The following EVPL variants were observed in gnomAD, a reference collection of about 807,000 sequenced individuals.
The protein encoded by EVPL is envoplakin, also known as 210 kDa cornified envelope precursor protein.
Under a neutral mutation model 129.7 loss-of-function variants are expected in EVPL, and 94 were observed. The ratio of observed to expected loss-of-function variants is 0.72; its 90% CI spans 0.61 to 0.86. The LOEUF (loss-of-function observed/expected upper bound fraction) is 0.86, where lower values mean the gene tolerates loss of function less well. Among genes scored for constraint, EVPL ranks in the 40% least tolerant of loss-of-function variants. The probability of loss-of-function intolerance (pLI) is 0.00; values close to 1 mark genes in which losing one functional copy is unlikely to be tolerated. For missense variants in EVPL, 2,625 were observed against 2,721.1 expected (o/e 0.96, Z 0.79); for synonymous variants, 1,172 against 1,191.1 (o/e 0.98, Z 0.33).
At chr17:76,011,426 T>C in intron 21 of EVPL, 150 bp downstream of exon 21, 1 of 720,894 alleles carries the variant, frequency 1.4e-6, no homozygotes, top group Non-Finnish European at 2.4e-6. Flanking sequence ...CGCTCCCCTC[T>C]CCAGCAGCCA....
chr17:76,026,275 C>T (rs2066497815), intron 1 of EVPL, among the ~76,000 whole-genome samples: 2 of 141,326 alleles, frequency 1.4e-5, no homozygotes, highest in Non-Finnish European at 1.5e-5. Context: ...GACAGAGTCT[C>T]AGTCTGTCAC....
chr17:76,014,851 T>C, intron 17 of EVPL, 65 bp downstream of exon 17: 1 of 1,468,646 alleles, frequency 6.8e-7, no homozygotes, highest in Admixed American at 2.1e-5. Flanking sequence ...TCACACAGCT[T>C]GTAGACAGCA....
chr17:76,007,743 C>G lies in EVPL; in HGVS notation c.5462G>C (p.Gly1821Ala). 1 of 1,613,056 alleles carries G rather than the reference C, an allele frequency of 6.2e-7. No individual in the cohort carries two copies. The highest frequency in any genetic ancestry group is 8.5e-7 in the Non-Finnish European group (1 of 1,179,226). ...CCCGGCGATAGGGAAGCTGTCATCA[C>G]CGAGCCCGAGAGAGAAGCTGGGAGA... ...FFSPSFSLGL[G>A]DDSFPIAGIY... The change falls in exon 22 of 22, where the codon GGT becomes GCT. Residue 1821 changes from glycine (G) to alanine (A), a missense_variant. Gly to Ala is a moderately conservative substitution (Grantham distance 60). Transcript: ENST00000301607. The surrounding 1 kb of genome is among the most constrained non-coding windows in gnomAD (Gnocchi z 8.8).
rs2066461903 is a variant in EVPL, at chr17:76,021,775, T to G, written c.814A>C (p.Lys272Gln). ...TCCTGGCTCAGCAGCTCGTGCTGCT[T>G]GAAGTGCTGGGGGCGAGTCGGGTGG... ...AGVRREYEHF[K>Q]QHELLSQEQS... is the part of the protein sequence containing the mutation. Residue 272 changes from lysine (K) to glutamine (Q), a missense_variant, in exon 8 of 22, where the codon AAG (lysine) becomes CAG (glutamine). This residue lies in a region of EVPL where 1,024 missense variants were observed against 997.5 expected (regional missense o/e 1.03). Coordinates refer to ENST00000301607, the MANE Select transcript of EVPL (RefSeq NM_001988.4). 10 of 1,605,704 alleles carry G rather than the reference T, an allele frequency of 6.2e-6. No homozygotes were observed. Among genetic ancestry groups the G allele is most frequent in the Non-Finnish European group, 8.5e-6 (10 of 1,178,170 alleles).
In EVPL at chr17:76,008,563, T is replaced by G; in HGVS notation, c.4642A>C (p.Thr1548Pro). 1 of 1,609,716 alleles carries G rather than the reference T, an allele frequency of 6.2e-7. No individual in the cohort carries two copies. Among genetic ancestry groups the G allele is most frequent in the East Asian group, 2.2e-5 (1 of 44,866 alleles). Residue 1548 changes from threonine to proline, a missense_variant, in exon 22 of 22, where the codon ACG (threonine) becomes CCG (proline). Around this residue, in one of 4 missense-constraint regions of EVPL, gnomAD observed 1,453 missense variants for 1,511.8 expected, o/e 0.96. Transcript: ENST00000301607. The surrounding 1 kb of genome is among the most constrained non-coding windows in gnomAD (Gnocchi z 7.4). ...TCCTCCTCCCGGGCCTGCCGGGCCG[T>G]GCGCTCCCTGTTGAGCATCTCCCAC... ...RVWEMLNRERTARQAREEEAR... is the reference protein window; with the variant it reads ...RVWEMLNRERPARQAREEEAR...
At chr17:76,023,878 T>G (rs1343519868) in intron 2 of EVPL, 143 bp downstream of exon 2, 1 of 1,250,666 alleles carries the variant, frequency 8.0e-7, no homozygotes, top group Non-Finnish European at 1.1e-6. Flanking sequence ...CACCGTGTGT[T>G]AGGGGATGGG....
At chr17:76,012,742 CTTTTTTT>C (rs56349197) in intron 18 of EVPL, among the ~76,000 whole-genome samples, 9 of 117,530 alleles carry the variant, frequency 7.7e-5, no homozygotes, top group Non-Finnish European at 1.4e-4. Context: ...TCTTTCTTTT[CTTTTTTT>C]TTTTTTTTTT....
intron 14 of EVPL, 139 bp downstream of exon 14, chr17:76,017,600 G>T: frequency 8.1e-7 from 1 of 1,228,146 alleles, no homozygotes; most frequent in Non-Finnish European, 1.1e-6. Flanking sequence ...GAACCAGCTT[G>T]TCTGAGCCCG....
chr17:76,024,509 G>A lies in EVPL; in HGVS notation c.99-389C>T, dbSNP rs2066485834. Among the ~76,000 whole-genome samples the A allele has an allele frequency of 6.6e-6, 1 of 152,144 alleles. No individual in the cohort carries two copies. Among genetic ancestry groups the A allele is most frequent in the Non-Finnish European group, 1.5e-5 (1 of 68,010 alleles). On this transcript the variant is annotated intron_variant, in intron 1 of 21. Transcript: ENST00000301607. The surrounding 1 kb of genome is among the most constrained non-coding windows in gnomAD (Gnocchi z 4.5). ...CTGAGCCAGCCTGGCTGGGCCCTGG[G>A]AGGGGTAGTTGGGCTGGCTGGGGCA...
chr17:76,027,295 G>A lies in EVPL; in HGVS notation c.-97C>T. ...AGCGGGCGTCCTCACTGGCTGGTCA[G>A]CTAAGTCTGGCGAGGTGGGGCGGCT... On this transcript the variant is annotated 5_prime_UTR_variant, in exon 1 of 22. Coordinates refer to ENST00000301607, the MANE Select transcript of EVPL (RefSeq NM_001988.4). The A allele has an allele frequency of 1.1e-6, 1 of 875,674 alleles. No homozygotes were observed. Among genetic ancestry groups the A allele is most frequent in the Non-Finnish European group, 1.9e-6 (1 of 528,602 alleles). 54.2% of individuals were successfully genotyped at this position (875,674 alleles called of 1,614,324 possible).
rs776697613 is a variant in EVPL, at chr17:76,009,467, G to T, written c.3738C>A (p.Pro1246=). 12 of 1,614,010 alleles carry T rather than the reference G, an allele frequency of 7.4e-6. No individual in the cohort carries two copies. The highest frequency in any genetic ancestry group is 1.0e-5 in the Non-Finnish European group (12 of 1,180,016). The change falls in exon 22 of 22, where the codon CCC becomes CCA. Residue 1246 remains proline (P), a synonymous_variant. Coordinates refer to ENST00000301607, the MANE Select transcript of EVPL (RefSeq NM_001988.4). The surrounding 1 kb of genome is among the most constrained non-coding windows in gnomAD (Gnocchi z 5.9). ...PDLEVLRAQK[P]TVEYKEVTQE... Reference sequence around the variant, plus strand: ...GGGTCACCTCCTTGTACTCCACCGTGGGCTTCTGGGCCCGCAGGACCTCCA... The same window carrying T: ...GGGTCACCTCCTTGTACTCCACCGTTGGCTTCTGGGCCCGCAGGACCTCCA...
At chr17:76,011,939 G>T in intron 19 of EVPL, 57 bp from the exon 20 acceptor site, 1 of 1,602,478 alleles carries the variant, frequency 6.2e-7, no homozygotes, top group East Asian at 2.2e-5. Flanking sequence ...CTGGGTGTGG[G>T]GGATAGGGCT....
chr17:76,010,836 G>A (rs956013725), intron 21 of EVPL, among the ~76,000 whole-genome samples: 5 of 152,286 alleles, frequency 3.3e-5, no homozygotes, highest in East Asian at 3.9e-4. Context: ...CAAGGTGGGC[G>A]GATCACCTGA....
chr17:76,014,574 TC>T lies in EVPL; in HGVS notation c.2224del (p.Glu742ArgfsTer21). Reference sequence around the variant, plus strand: ...GAGGGCGGCATCCTGCACCACCTTCTCCCTGCAGGAGGACGAGGCCCAGAAC... The same window carrying T: ...GAGGGCGGCATCCTGCACCACCTTCTCCTGCAGGAGGACGAGGCCCAGAAC... Reference protein sequence around the residue: ...HAVGDQLDLREKVVQDAALTY... With the variant: ...HAVGDQLDLRXKVVQDAALTY... On this transcript the variant is annotated frameshift_variant and splice_region_variant, in exon 18 of 22. Coordinates refer to ENST00000301607, the MANE Select transcript of EVPL (RefSeq NM_001988.4). LOFTEE classifies it high-confidence loss of function. 1 of 1,611,604 alleles carries T rather than the reference TC, an allele frequency of 6.2e-7. No homozygotes were observed.
At chr17:76,015,421 C>T in intron 15 of EVPL, 29 bp downstream of exon 15, 1 of 1,605,772 alleles carries the variant, frequency 6.2e-7, no homozygotes, top group Non-Finnish European at 8.5e-7. Context: ...TGCTGCCCTG[C>T]GTGGCTGCCC....
chr17:76,012,101 G>A lies in EVPL; in HGVS notation c.2374-12C>T. 2 of 1,605,206 alleles carry A rather than the reference G, an allele frequency of 1.2e-6. No homozygotes were observed. ...TCCTGCGTCAGCCTCTGCCAGGGAA[G>A]AACCCAGAGTCAGGAGGCCAGGAAA... is the stretch of plus-strand genomic sequence containing the variant. On this transcript the variant is annotated splice_polypyrimidine_tract_variant and intron_variant, in intron 18 of 21. Coordinates refer to ENST00000301607, the MANE Select transcript of EVPL (RefSeq NM_001988.4).
chr17:76,019,400 C>G, intron 10 of EVPL, 128 bp downstream of exon 10: 1 of 1,255,192 alleles, frequency 8.0e-7, no homozygotes, highest in Non-Finnish European at 1.1e-6. Flanking sequence ...GAGTAAACCC[C>G]CCTGCCAGCA....
intron 18 of EVPL, among the ~76,000 whole-genome samples, chr17:76,012,470 T>C (rs1247272512): frequency 6.6e-6 from 1 of 152,146 alleles, no homozygotes; most frequent in Admixed American, 6.5e-5. Flanking sequence ...AATTTTTATA[T>C]TTTTAGTAGA....
chr17:76,025,238 T>C (rs899649062), intron 1 of EVPL, among the ~76,000 whole-genome samples: 7 of 152,214 alleles, frequency 4.6e-5, no homozygotes, highest in African/African-American at 1.7e-4. Flanking sequence ...AAACGTCCAG[T>C]GCAGGCCTGG....
Sources: gnomAD v4.1 joint callset for allele counts (sites outside exome capture counted in the v4.1 genomes callset) on GRCh38, gnomAD v4.1.1 for gene constraint, gnomAD v4.1.1 regional missense constraint, Gnocchi (gnomAD v3.1) non-coding constraint, MANE v1.5 for transcripts, NCBI Gene and HGNC (gene_info 2026-07-23, HGNC 2026-07-21) for gene names.